FOXN3: variants seen among roughly 807,000 people sequenced by gnomAD.
FOXN3 encodes the protein forkhead box protein N3.
FOXN3 carries 7 observed loss-of-function variants against 38.4 expected under a neutral mutation model. The ratio of observed to expected loss-of-function variants is 0.18; its 90% CI spans 0.10 to 0.34. The LOEUF (loss-of-function observed/expected upper bound fraction) is 0.34. Ranked by LOEUF, FOXN3 falls within the 10% of genes least tolerant of loss-of-function variation. The probability of loss-of-function intolerance (pLI) is 1.00; values close to 1 mark genes in which losing one functional copy is unlikely to be tolerated. For synonymous variants in FOXN3, 230 were observed against 242.2 expected, an observed-to-expected ratio of 0.95 and a Z score of 0.47; for missense variants, 456 against 613.4, an observed-to-expected ratio of 0.74 and a Z score of 2.71.
intron 1 of FOXN3, among the ~76,000 whole-genome samples, chr14:89,594,918 T>C (rs982229677): frequency 6.6e-6 from 1 of 152,180 alleles, no homozygotes; most frequent in African/African-American, 2.4e-5. Context: ...TGTTTCCACA[T>C]AAATTTTAGA....
chr14:89,572,570 C>T (rs1300784972), intron 1 of FOXN3, among the ~76,000 whole-genome samples: 1 of 152,194 alleles, frequency 6.6e-6, no homozygotes, highest in Non-Finnish European at 1.5e-5. Context: ...TAAAAGCCAC[C>T]CTTCATCCTA....
chr14:89,267,046 A>G (rs943706918), intron 4 of FOXN3, among the ~76,000 whole-genome samples: 2 of 152,106 alleles, frequency 1.3e-5, no homozygotes, highest in African/African-American at 4.8e-5. Flanking sequence ...AAACATCACC[A>G]TCTCCCTTTT....
At chr14:89,390,307 C>A (rs1380454500) in intron 2 of FOXN3, among the ~76,000 whole-genome samples, 8 of 124,016 alleles carry the variant, frequency 6.5e-5, no homozygotes, top group Admixed American at 9.4e-5. Context: ...CTCTCTCTCT[C>A]TCTCTCTATA....
chr14:89,569,940 G>A (rs1002276368), intron 1 of FOXN3, among the ~76,000 whole-genome samples: 13 of 151,976 alleles, frequency 8.6e-5, no homozygotes, highest in African/African-American at 3.1e-4. Flanking sequence ...GCAGAGCTCC[G>A]GCAAGGCTTA....
intron 4 of FOXN3, among the ~76,000 whole-genome samples, chr14:89,274,738 A>G (rs1886251074): frequency 6.6e-6 from 1 of 152,204 alleles, no homozygotes; most frequent in African/African-American, 2.4e-5. Context: ...CTTGTGAGCT[A>G]GGTGAACTTC....
At chr14:89,584,573 T>C (rs1235180280) in intron 1 of FOXN3, among the ~76,000 whole-genome samples, 1 of 152,210 alleles carries the variant, frequency 6.6e-6, no homozygotes, top group Non-Finnish European at 1.5e-5. Flanking sequence ...AATTTTATAC[T>C]AGGTGGTGCA....
chr14:89,475,445 C>T (rs182624050), intron 1 of FOXN3, among the ~76,000 whole-genome samples: 19 of 152,142 alleles, frequency 1.2e-4, no homozygotes, highest in Non-Finnish European at 2.6e-4. Flanking sequence ...TGCTTGAGCT[C>T]AGGAGTTCAA....
upstream of FOXN3, among the ~76,000 whole-genome samples, chr14:89,418,416 C>CT (rs1296432908): frequency 1.2e-4 from 14 of 113,378 alleles, no homozygotes; most frequent in African/African-American, 4.3e-4. Flanking sequence ...AAATAGACCC[C>CT]CCCCCCCCAA....
chr14:89,416,112 CCGCCCACCCAGCACGCGCGCG>C (rs1386818582), intron 1 of FOXN3, among the ~76,000 whole-genome samples: 1 of 152,204 alleles, frequency 6.6e-6, no homozygotes, highest in Non-Finnish European at 1.5e-5. Flanking sequence ...CGGGTCACCC[CCGCCCACCCAGCACGCGCGCG>C]CGCGCACGCA....
chr14:89,461,712 G>A (rs1456656108), intron 1 of FOXN3, among the ~76,000 whole-genome samples: 1 of 152,172 alleles, frequency 6.6e-6, no homozygotes, highest in Admixed American at 6.5e-5. Context: ...GAAGGAAAAT[G>A]GCAGCCCCAG....
intron 1 of FOXN3, among the ~76,000 whole-genome samples, chr14:89,613,174 A>G (rs2139958202): frequency 6.6e-6 from 1 of 151,962 alleles, no homozygotes; most frequent in South Asian, 2.1e-4. Flanking sequence ...AACTTGTATA[A>G]TATACTAAAA....
intron 2 of FOXN3, among the ~76,000 whole-genome samples, chr14:89,370,984 G>A (rs1017932802): frequency 8.4e-5 from 11 of 131,316 alleles, no homozygotes; most frequent in Admixed American, 1.8e-4. Context: ...AAAACCGTGC[G>A]TCTATTTCAG....
At chr14:89,502,356 T>C (rs973720274) in intron 1 of FOXN3, among the ~76,000 whole-genome samples, 7 of 152,186 alleles carry the variant, frequency 4.6e-5, no homozygotes, top group African/African-American at 1.7e-4. Flanking sequence ...TTCAATGTTT[T>C]ATTTTATTTT....
chr14:89,595,593 AATTT>A (rs1488292040), intron 1 of FOXN3, among the ~76,000 whole-genome samples: 1 of 152,188 alleles, frequency 6.6e-6, no homozygotes, highest in African/African-American at 2.4e-5. Context: ...ACTTAACCGA[AATTT>A]ATTTTGAATT....
chr14:89,595,543 C>T (rs1896041760), intron 1 of FOXN3, among the ~76,000 whole-genome samples: 1 of 152,184 alleles, frequency 6.6e-6, no homozygotes, highest in African/African-American at 2.4e-5. Flanking sequence ...ATATTTACTT[C>T]ATATGCAACA....
intron 3 of FOXN3, among the ~76,000 whole-genome samples, chr14:89,320,107 A>G (rs910091090): frequency 6.6e-6 from 1 of 152,234 alleles, no homozygotes; most frequent in African/African-American, 2.4e-5. Flanking sequence ...GGGAAGGGGA[A>G]GATAGAGGTT....
intron 1 of FOXN3, among the ~76,000 whole-genome samples, chr14:89,591,725 C>G (rs775825214): frequency 2.0e-5 from 3 of 152,084 alleles, no homozygotes; most frequent in Admixed American, 6.6e-5. Flanking sequence ...AGGAGTTCAA[C>G]GCCGGCCTGG....
At chr14:89,513,024 C>T (rs1462648269) in intron 1 of FOXN3, among the ~76,000 whole-genome samples, 1 of 151,774 alleles carries the variant, frequency 6.6e-6, no homozygotes, top group Non-Finnish European at 1.5e-5. Flanking sequence ...CCTGTAATCC[C>T]AGCTACTTGG....
intron 2 of FOXN3, among the ~76,000 whole-genome samples, chr14:89,370,466 G>T (rs1443729698): frequency 6.6e-6 from 1 of 152,162 alleles, no homozygotes; most frequent in African/African-American, 2.4e-5. Context: ...GGGTTCCCAC[G>T]GCTGCACAAA....
Sources: allele counts gnomAD v4.1 joint callset (sites outside exome capture counted in the v4.1 genomes callset), GRCh38; gene constraint gnomAD v4.1.1; transcripts MANE v1.5; gene names NCBI Gene and HGNC (gene_info 2026-07-23, HGNC 2026-07-21).